DPP10: variants seen among roughly 807,000 people sequenced by gnomAD.
DPP10 encodes the protein dipeptidyl peptidase like 10.
A neutral mutation model predicts 120.9 loss-of-function variants in DPP10; 33 were observed. The ratio of observed to expected loss-of-function variants is 0.27; its 90% CI spans 0.21 to 0.37. DPP10 has a LOEUF of 0.37. Among genes scored for constraint, DPP10 ranks in the 10% least tolerant of loss-of-function variants. The pLI, the probability that DPP10 is intolerant of heterozygous loss-of-function variation, is 1.00. For missense variants in DPP10, 816 were observed against 942.8 expected, an observed-to-expected ratio of 0.87 and a Z score of 1.76; for synonymous variants, 337 against 326.1, an observed-to-expected ratio of 1.03 and a Z score of -0.36.
intron 2 of DPP10, among the ~76,000 whole-genome samples, chr2:115,334,230 G>GTTTTTTTTTTTTTTTTTTTTTTGT: frequency 7.1e-5 from 4 of 56,404 alleles, no homozygotes; most frequent in African/African-American, 9.8e-5. Flanking sequence ...AGCAGACTCT[G>GTTTTTTTTTTTTTTTTTTTTTTGT]TTTTTTTTTT....
At chr2:114,836,337 G>T (rs1413751215) in intron 1 of DPP10, among the ~76,000 whole-genome samples, 1 of 152,088 alleles carries the variant, frequency 6.6e-6, no homozygotes, top group Non-Finnish European at 1.5e-5. Context: ...TTTTCCCTAA[G>T]CATTGGCCAG....
intron 3 of DPP10, among the ~76,000 whole-genome samples, chr2:115,481,357 C>T (rs2075415651): frequency 1.3e-5 from 2 of 152,206 alleles, no homozygotes; most frequent in South Asian, 4.1e-4. Flanking sequence ...GTACATTCTT[C>T]AAAGCTTGAA....
chr2:114,762,337 C>T (rs1181588810), intron 1 of DPP10, among the ~76,000 whole-genome samples: 1 of 152,186 alleles, frequency 6.6e-6, no homozygotes, highest in African/African-American at 2.4e-5. Context: ...AAGAGTCTGA[C>T]TTTCTTCTCC....
At chr2:115,486,059 T>A (rs945928813) in intron 3 of DPP10, among the ~76,000 whole-genome samples, 4 of 152,282 alleles carry the variant, frequency 2.6e-5, no homozygotes, top group East Asian at 1.9e-4. Context: ...ATTAAAATTA[T>A]CAGTTAGTTT....
intron 1 of DPP10, among the ~76,000 whole-genome samples, chr2:115,304,110 A>G (rs577260257): frequency 5.9e-5 from 9 of 152,238 alleles, no homozygotes; most frequent in African/African-American, 2.2e-4. Context: ...CGTTGAAAAT[A>G]TAAACACCAT....
chr2:115,603,366 A>G (rs957965274), intron 5 of DPP10, among the ~76,000 whole-genome samples: 1 of 113,184 alleles, frequency 8.8e-6, no homozygotes, highest in Non-Finnish European at 1.7e-5. Flanking sequence ...AACAAAACCC[A>G]ACTCTAGTCT....
chr2:115,158,516 T>C (rs757186648), intron 1 of DPP10, among the ~76,000 whole-genome samples: 3 of 152,172 alleles, frequency 2.0e-5, no homozygotes, highest in Non-Finnish European at 2.9e-5. Flanking sequence ...AGGTAATCCA[T>C]TTTCAGAAAG....
At chr2:115,282,488 G>A (rs2060199062) in intron 1 of DPP10, among the ~76,000 whole-genome samples, 1 of 151,456 alleles carries the variant, frequency 6.6e-6, no homozygotes, top group Non-Finnish European at 1.5e-5. Flanking sequence ...CTCACTTCCA[G>A]TAGAGATATA....
chr2:115,417,642 A>G (rs843389), intron 3 of DPP10, among the ~76,000 whole-genome samples: 4,694 of 152,198 alleles, frequency 0.031, 242 homozygotes, highest in African/African-American at 0.11. Flanking sequence ...TTTTTCCAAA[A>G]TCACAGCTGG....
Position 114,870,247 on chromosome 2 carries a change from T to A in DPP10, c.60+427409T>A, listed in dbSNP as rs1339554206. Among the ~76,000 whole-genome samples, 5 of 152,340 alleles carry A rather than the reference T, an allele frequency of 3.3e-5. No homozygotes were observed. The East Asian group carries it at 5.8e-4, about 18-fold the overall frequency. ...GACAAACTTCTCAAAACCTTGATTT[T>A]CTTTTTAGTAAAATGGTTATAATAA... is the stretch of plus-strand genomic sequence containing the variant. On this transcript the variant is annotated intron_variant, in intron 1 of 25. Coordinates refer to ENST00000410059, the MANE Select transcript of DPP10 (RefSeq NM_020868.6).
chr2:114,929,848 A>C (rs1359092219), intron 1 of DPP10, among the ~76,000 whole-genome samples: 1 of 152,234 alleles, frequency 6.6e-6, no homozygotes, highest in Non-Finnish European at 1.5e-5. Flanking sequence ...TGAAATCTTC[A>C]CAATTTATGT....
At chr2:114,918,935 C>T (rs796780341) in intron 1 of DPP10, among the ~76,000 whole-genome samples, 10 of 151,238 alleles carry the variant, frequency 6.6e-5, no homozygotes, top group African/African-American at 2.4e-4. Flanking sequence ...ACACGTACCC[C>T]CGAACCTAAA....
intron 2 of DPP10, among the ~76,000 whole-genome samples, chr2:115,334,223 A>T (rs1232483047): frequency 3.3e-5 from 1 of 30,250 alleles, no homozygotes; most frequent in Non-Finnish European, 9.1e-5. Flanking sequence ...GGACCAGAGC[A>T]GACTCTGTTT....
chr2:114,779,869 GC>G (rs1682132085), intron 1 of DPP10, among the ~76,000 whole-genome samples: 1 of 151,750 alleles, frequency 6.6e-6, no homozygotes. Context: ...GAGCACGGTG[GC>G]TCACGCCTGT....
At chr2:115,464,931 A>C (rs1291661685) in intron 3 of DPP10, among the ~76,000 whole-genome samples, 1 of 152,208 alleles carries the variant, frequency 6.6e-6, no homozygotes, top group African/African-American at 2.4e-5. Flanking sequence ...CTATCTACCA[A>C]CGTCCTTTCT....
intron 1 of DPP10, among the ~76,000 whole-genome samples, chr2:114,875,936 G>A (rs1215882269): frequency 6.6e-6 from 1 of 152,072 alleles, no homozygotes; most frequent in African/African-American, 2.4e-5. Flanking sequence ...ACTTTAGAAT[G>A]AGTTTTCAGA....
chr2:115,766,310 G>GTGTGTGTGTGTGTATATATATA (rs1371625141), intron 12 of DPP10, among the ~76,000 whole-genome samples: 1 of 81,738 alleles, frequency 1.2e-5, no homozygotes, highest in South Asian at 4.8e-4. Flanking sequence ...GTGTGTGTGT[G>GTGTGTGTGTGTGTATATATATA]TATATATATA....
At chr2:114,691,113 T>G (rs941369173) in intron 1 of DPP10, among the ~76,000 whole-genome samples, 1 of 151,908 alleles carries the variant, frequency 6.6e-6, no homozygotes, top group Non-Finnish European at 1.5e-5. Flanking sequence ...TGAATAAGAG[T>G]GGTGAGAAAG....
At chr2:115,106,564 G>C (rs774712072) in intron 1 of DPP10, among the ~76,000 whole-genome samples, 1 of 152,080 alleles carries the variant, frequency 6.6e-6, no homozygotes, top group Non-Finnish European at 1.5e-5. Context: ...AGGCTCAAGC[G>C]ATCCTCCTAC....
Sources: gnomAD v4.1 joint callset for allele counts (sites outside exome capture counted in the v4.1 genomes callset) on GRCh38, gnomAD v4.1.1 for gene constraint, MANE v1.5 for transcripts, NCBI Gene and HGNC (gene_info 2026-07-23, HGNC 2026-07-21) for gene names.